NFAT5: variants seen among roughly 807,000 people sequenced by gnomAD.
NFAT5 encodes the protein nuclear factor of activated T cells 5.
Under a neutral mutation model 166.5 loss-of-function variants are expected in NFAT5, and 31 were observed. That is an observed-to-expected ratio of 0.19 (90% CI 0.14 to 0.25). The LOEUF (loss-of-function observed/expected upper bound fraction) is 0.25, where lower values mean the gene tolerates loss of function less well. Ranked by LOEUF, NFAT5 falls within the 10% of genes least tolerant of loss-of-function variation. NFAT5 has a pLI of 1.00. For synonymous variants in NFAT5, 612 were observed against 639.7 expected, an observed-to-expected ratio of 0.96 and a Z score of 0.65; for missense variants, 1,449 against 1,821.8, an observed-to-expected ratio of 0.80 and a Z score of 3.72.
Position 69,692,309 on chromosome 16 carries a change from A to G in NFAT5, c.2484A>G (p.Ser828=), listed in dbSNP as rs760075961. The change falls in exon 13 of 15, where the codon TCA becomes TCG. Residue 828 remains serine, a synonymous_variant. Coordinates refer to ENST00000349945, the MANE Select transcript of NFAT5 (RefSeq NM_138713.4). ...QVLEAQQQLS[S]VLFSAPDGNE... ...TAGAGGCACAGCAGCAGTTATCTTC[A>G]GTTTTATTTTCTGCTCCAGATGGTA... The G allele has an allele frequency of 3.1e-6, 5 of 1,614,042 alleles. No homozygotes were observed. Among genetic ancestry groups the G allele is most frequent in the Non-Finnish European group, 4.2e-6 (5 of 1,180,038 alleles).
chr16:69,659,629 AATAG>A (rs1171171353), intron 6 of NFAT5, 94 bp from the exon 7 acceptor site: 3 of 991,376 alleles, frequency 3.0e-6, no homozygotes, highest in African/African-American at 1.7e-5. Flanking sequence ...TCACAGAATT[AATAG>A]ATAAGCAAAA....
At chr16:69,689,095 G>A (rs903896045) in intron 11 of NFAT5, among the ~76,000 whole-genome samples, 5 of 152,016 alleles carry the variant, frequency 3.3e-5, no homozygotes, top group African/African-American at 1.2e-4. Flanking sequence ...GCAAAGTAAC[G>A]AGACTCTTGT....
chr16:69,626,798 T>C (rs1033484188), intron 3 of NFAT5, among the ~76,000 whole-genome samples: 4 of 152,178 alleles, frequency 2.6e-5, no homozygotes, highest in Non-Finnish European at 5.9e-5. Context: ...TTAAAGTTGT[T>C]TGGTTGACTG....
chr16:69,621,904 A>G (rs1001593544), intron 2 of NFAT5, among the ~76,000 whole-genome samples: 1 of 152,194 alleles, frequency 6.6e-6, no homozygotes, highest in Non-Finnish European at 1.5e-5. Context: ...TGGAGGCTGC[A>G]GTGAACTTTG....
intron 9 of NFAT5, 122 bp from the exon 10 acceptor site, chr16:69,677,081 A>G: frequency 1.1e-6 from 1 of 943,780 alleles, no homozygotes; most frequent in Non-Finnish European, 1.6e-6. Flanking sequence ...GAGCTTTAAA[A>G]TGCATTCTTT....
At chr16:69,670,321 T>C in intron 9 of NFAT5, 33 bp downstream of exon 9, 2 of 1,365,148 alleles carry the variant, frequency 1.5e-6, no homozygotes, top group Non-Finnish European at 2.0e-6. Context: ...AATTTGGTTA[T>C]TTACTCTCTG....
Position 69,696,916 on chromosome 16 carries a change from G to A in NFAT5, c.*565G>A, listed in dbSNP as rs182340869. The A allele has an allele frequency of 5.2e-5, 8 of 152,628 alleles. No homozygotes were observed. The East Asian group carries it at 9.6e-4, about 18-fold the overall frequency. 9.5% of individuals were successfully genotyped at this position (152,628 alleles called of 1,614,324 possible). On this transcript the variant is annotated 3_prime_UTR_variant, in exon 15 of 15. Coordinates refer to ENST00000349945, the MANE Select transcript of NFAT5 (RefSeq NM_138713.4). ...TTCTAACAAGTAAACTGTATGTGCAGATAAAAGTACTCTTGATTTAACACA... is the reference window on the plus strand; with the variant it reads ...TTCTAACAAGTAAACTGTATGTGCAAATAAAAGTACTCTTGATTTAACACA...
intron 11 of NFAT5, chr16:69,690,506 C>G (rs999950603): frequency 1.3e-5 from 2 of 152,204 alleles, no homozygotes; most frequent in African/African-American, 2.4e-5. Flanking sequence ...CTCTGACAAT[C>G]TCATAGTCCT....
rs1395772696 is a variant in NFAT5, at chr16:69,699,043, G to A, written c.*2692G>A. ...AAATTCTAACCCTAAAGTAGGGTTG[G>A]TTGAAATTTCAGACAAAGCAAACCC... On this transcript the variant is annotated 3_prime_UTR_variant, in exon 15 of 15. Transcript: ENST00000349945. The A allele has an allele frequency of 6.6e-6, 1 of 152,598 alleles. No homozygotes were observed. Among genetic ancestry groups the A allele is most frequent in the Admixed American group, 6.5e-5 (1 of 15,284 alleles). The allele number at this position is 152,598 out of a possible 1,614,324, so 9.5% of individuals were successfully genotyped here. A position where few individuals can be genotyped will look rare whatever the true frequency, so the allele number is the denominator to read the frequency against.
At chr16:69,575,018 A>G (rs2016661216) in intron 2 of NFAT5, among the ~76,000 whole-genome samples, 1 of 152,034 alleles carries the variant, frequency 6.6e-6, no homozygotes, top group South Asian at 2.1e-4. Context: ...GGTAATGATC[A>G]TTATTGCTTC....
rs754437772 is a variant in NFAT5, at chr16:69,670,071, T to C, written c.1464T>C (p.Phe488=). Reference sequence around the variant, plus strand: ...AAGTGTTTTTAATCGGCAAGAACTTTCTGAAAGGAACTAAAGTTATTTTCC... The same window carrying C: ...AAGTGTTTTTAATCGGCAAGAACTTCCTGAAAGGAACTAAAGTTATTTTCC... The part of the protein sequence containing the change: ...EEEVFLIGKN[F]LKGTKVIFQE... Residue 488 remains phenylalanine, a synonymous_variant, in exon 8 of 15, where the codon TTT becomes TTC. Transcript: ENST00000349945. 1 of 1,613,298 alleles carries C rather than the reference T, an allele frequency of 6.2e-7. No individual in the cohort carries two copies. Among genetic ancestry groups the C allele is most frequent in the Admixed American group, 1.7e-5 (1 of 59,812 alleles).
chr16:69,567,505 T>A (rs2016135637), intron 1 of NFAT5, among the ~76,000 whole-genome samples: 1 of 152,208 alleles, frequency 6.6e-6, no homozygotes, highest in African/African-American at 2.4e-5. Flanking sequence ...TGCTTTTGGT[T>A]TGATGTATCC....
At chr16:69,576,266 T>C (rs935529774) in intron 2 of NFAT5, among the ~76,000 whole-genome samples, 4 of 131,370 alleles carry the variant, frequency 3.0e-5, no homozygotes, top group Non-Finnish European at 4.6e-5. Context: ...CACTCCAGCC[T>C]GGGCGACAGA....
chr16:69,671,741 C>T (rs2036629322), intron 9 of NFAT5, among the ~76,000 whole-genome samples: 1 of 152,198 alleles, frequency 6.6e-6, no homozygotes, highest in African/African-American at 2.4e-5. Flanking sequence ...AACACAAGGT[C>T]TCGGAGTGTC....
At chr16:69,640,389 T>G (rs1228162826) in intron 3 of NFAT5, among the ~76,000 whole-genome samples, 1 of 152,230 alleles carries the variant, frequency 6.6e-6, no homozygotes, top group Non-Finnish European at 1.5e-5. Context: ...GTTTTAAACT[T>G]TGCATTAATA....
chr16:69,655,209 G>T (rs928219575), intron 5 of NFAT5, among the ~76,000 whole-genome samples: 23 of 152,054 alleles, frequency 1.5e-4, no homozygotes, highest in African/African-American at 5.5e-4. Flanking sequence ...TAAAAATTTG[G>T]TATATGTGCT....
chr16:69,607,481 G>T (rs1490488999), intron 2 of NFAT5, among the ~76,000 whole-genome samples: 1 of 152,200 alleles, frequency 6.6e-6, no homozygotes, highest in Non-Finnish European at 1.5e-5. Context: ...CAAGCCAAAT[G>T]AAAATTTATG....
chr16:69,581,105 G>A (rs530422642), intron 2 of NFAT5, among the ~76,000 whole-genome samples: 6 of 151,960 alleles, frequency 3.9e-5, no homozygotes, highest in African/African-American at 1.5e-4. Flanking sequence ...GCAGTGGTGC[G>A]ATCCTGGCTC....
chr16:69,688,717 T>G (rs905397360), intron 11 of NFAT5, among the ~76,000 whole-genome samples: 2 of 152,142 alleles, frequency 1.3e-5, no homozygotes, highest in Non-Finnish European at 2.9e-5. Context: ...CAAACTAAAT[T>G]GACAGTGATA....
Sources: allele counts gnomAD v4.1 joint callset (sites outside exome capture counted in the v4.1 genomes callset), GRCh38; gene constraint gnomAD v4.1.1; transcripts MANE v1.5; gene names NCBI Gene and HGNC (gene_info 2026-07-23, HGNC 2026-07-21).